The following TMEM229B variants were observed in gnomAD, a reference collection of about 807,000 sequenced individuals.
TMEM229B encodes chromosome 14 open reading frame 83.
TMEM229B carries 6 observed loss-of-function variants against 13.7 expected under a neutral mutation model. The observed-to-expected ratio is 0.44, with a 90% CI of 0.24 to 0.86. The LOEUF (loss-of-function observed/expected upper bound fraction) is 0.86, where lower values mean the gene tolerates loss of function less well. TMEM229B is among the 40% of genes least tolerant of loss of function. TMEM229B has a pLI of 0.23. For synonymous variants in TMEM229B, 107 were observed against 102.1 expected (o/e 1.05, Z -0.29); for missense variants, 170 against 236.0 (o/e 0.72, Z 1.83).
intron 1 of TMEM229B, among the ~76,000 whole-genome samples, chr14:67,509,210 C>T (rs1361168058): frequency 1.3e-5 from 2 of 152,220 alleles, no homozygotes; most frequent in African/African-American, 2.4e-5. Context: ...TACTTCCCTA[C>T]TGCAGGGTAC....
At chr14:67,520,652 GGTTTTTATGTGGACAT>G (rs1331093288) in intron 1 of TMEM229B, among the ~76,000 whole-genome samples, 1 of 151,176 alleles carries the variant, frequency 6.6e-6, no homozygotes, top group African/African-American at 2.4e-5. Context: ...ACTCCATGCA[GGTTTTTATGTGGACAT>G]AAATTTCCAA....
intron 2 of TMEM229B, among the ~76,000 whole-genome samples, chr14:67,482,302 C>G (rs80089755): frequency 1.1e-3 from 167 of 152,318 alleles, no homozygotes; most frequent in African/African-American, 3.9e-3. Context: ...CCATAAAAGT[C>G]TAAGACAGGC....
At chr14:67,521,706 G>A (rs1594722213) in intron 1 of TMEM229B, among the ~76,000 whole-genome samples, 1 of 152,286 alleles carries the variant, frequency 6.6e-6, no homozygotes, top group Non-Finnish European at 1.5e-5. Context: ...CACTAAGACA[G>A]CCCTGAAAAT....
At chr14:67,477,422 T>C (rs1346050444) in intron 2 of TMEM229B, among the ~76,000 whole-genome samples, 2 of 152,194 alleles carry the variant, frequency 1.3e-5, no homozygotes, top group African/African-American at 4.8e-5. Context: ...ATCTCTTTCA[T>C]TCCCCCAGGT....
intron 1 of TMEM229B, among the ~76,000 whole-genome samples, chr14:67,502,803 G>A (rs576136628): frequency 1.3e-5 from 2 of 152,194 alleles, no homozygotes; most frequent in African/African-American, 4.8e-5. Flanking sequence ...GTGACCACAG[G>A]GCTTATTTCC....
chr14:67,516,628 C>T, upstream of TMEM229B, among the ~76,000 whole-genome samples: 1 of 122,916 alleles, frequency 8.1e-6, no homozygotes, highest in East Asian at 2.6e-4. Flanking sequence ...GTGTCTTCCC[C>T]TAATTGTCTG....
chr14:67,479,313 G>A (rs867769833), intron 2 of TMEM229B, among the ~76,000 whole-genome samples: 5 of 151,374 alleles, frequency 3.3e-5, no homozygotes, highest in South Asian at 2.1e-4. Flanking sequence ...GGCTGAGGCA[G>A]AAGAATTGCT....
intron 1 of TMEM229B, among the ~76,000 whole-genome samples, chr14:67,512,397 T>C (rs1185780431): frequency 6.6e-6 from 1 of 152,256 alleles, no homozygotes; most frequent in Non-Finnish European, 1.5e-5. Context: ...CTGTCTGATA[T>C]TCCCTCCTTA....
At chr14:67,498,169 C>T (rs75859197) in intron 1 of TMEM229B, among the ~76,000 whole-genome samples, 6,606 of 152,200 alleles carry the variant, frequency 0.043, 185 homozygotes, top group East Asian at 0.092. Flanking sequence ...ATCTCTGTTC[C>T]CGATCCATTC....
At position 67,471,585 on chromosome 14, in the gene TMEM229B, C is replaced by A. The variant is rs1215331857; in HGVS notation, c.*1835G>T. ...CAATAAAATCAAAAGGAGGGCTGGCCACTGCAGAAAGTAGTTCATCCCTGG... is the reference window on the plus strand; with the variant it reads ...CAATAAAATCAAAAGGAGGGCTGGCAACTGCAGAAAGTAGTTCATCCCTGG... On this transcript the variant is annotated 3_prime_UTR_variant, in exon 3 of 3. Transcript: ENST00000554480. The A allele has an allele frequency of 6.6e-6, 1 of 152,226 alleles. No homozygotes were observed. Among genetic ancestry groups the A allele is most frequent in the Admixed American group, 6.5e-5 (1 of 15,274 alleles). The allele number at this position is 152,226 out of a possible 1,614,324, so 9.4% of individuals were successfully genotyped here.
chr14:67,507,955 A>G (rs1237415224), intron 1 of TMEM229B, among the ~76,000 whole-genome samples: 1 of 152,082 alleles, frequency 6.6e-6, no homozygotes, highest in African/African-American at 2.4e-5. Context: ...CCTGACCAAC[A>G]TGGAGAAACC....
upstream of TMEM229B, among the ~76,000 whole-genome samples, chr14:67,493,043 A>G (rs1221280290): frequency 6.6e-6 from 1 of 152,232 alleles, no homozygotes; most frequent in East Asian, 1.9e-4. Context: ...ATAGGTTAGA[A>G]AGATGAGAAG....
upstream of TMEM229B, among the ~76,000 whole-genome samples, chr14:67,517,307 T>C (rs2140262665): frequency 6.6e-6 from 1 of 152,322 alleles, no homozygotes. Flanking sequence ...GGAGGCAGCA[T>C]TGCGCAGAGG....
chr14:67,522,506 T>C (rs1289863318), intron 1 of TMEM229B, among the ~76,000 whole-genome samples: 1 of 152,212 alleles, frequency 6.6e-6, no homozygotes, highest in Non-Finnish European at 1.5e-5. Flanking sequence ...TAAGCCACTC[T>C]GCCTGGGGGG....
chr14:67,514,810 T>A (rs1260073153), intron 1 of TMEM229B, among the ~76,000 whole-genome samples: 2 of 151,780 alleles, frequency 1.3e-5, no homozygotes, highest in Non-Finnish European at 2.9e-5. Flanking sequence ...CGCACCCCCT[T>A]CCCCAACACG....
At chr14:67,528,270 C>T (rs2033396828) in intron 1 of TMEM229B, among the ~76,000 whole-genome samples, 1 of 152,122 alleles carries the variant, frequency 6.6e-6, no homozygotes, top group South Asian at 2.1e-4. Flanking sequence ...GAAGTTGAAC[C>T]CCACTGTCAG....
intron 1 of TMEM229B, among the ~76,000 whole-genome samples, chr14:67,532,094 C>T (rs1594727255): frequency 6.6e-6 from 1 of 152,238 alleles, no homozygotes; most frequent in Non-Finnish European, 1.5e-5. Context: ...TTTGCAAGTT[C>T]AGCCATTGAA....
rs762112426 is a variant in TMEM229B at position 67,473,726 on chromosome 14, C to T, written c.198G>A (p.Arg66=). 1 of 1,610,430 alleles carries T rather than the reference C, an allele frequency of 6.2e-7. No individual in the cohort carries two copies. Among genetic ancestry groups the T allele is most frequent in the Non-Finnish European group, 8.5e-7 (1 of 1,178,504 alleles). Residue 66 remains arginine, a synonymous_variant, in exon 3 of 3, where the codon CGG becomes CGA. Coordinates refer to ENST00000554480, the MANE Select transcript of TMEM229B (RefSeq NM_001348543.2). The surrounding 1 kb of genome is among the most constrained non-coding windows in gnomAD (Gnocchi z 6.5). ...GGAGCAGCGGGCAGCGGCCGCGCAG[C>T]CGCAGGTACATGCGCTCCACGATGA... ...SILIVERMYL[R]LRGRCPLLLR...
intron 1 of TMEM229B, among the ~76,000 whole-genome samples, chr14:67,511,359 A>G (rs937604265): frequency 1.3e-5 from 2 of 152,018 alleles, no homozygotes; most frequent in African/African-American, 4.8e-5. Context: ...AAAAACAAAA[A>G]AACAAAAAAA....
Sources: allele counts gnomAD v4.1 joint callset (sites outside exome capture counted in the v4.1 genomes callset), GRCh38; gene constraint gnomAD v4.1.1; non-coding constraint Gnocchi (gnomAD v3.1); transcripts MANE v1.5; gene names NCBI Gene and HGNC (gene_info 2026-07-23, HGNC 2026-07-21).